Variants in NRG1 observed in about 807,000 individuals in gnomAD.
NRG1 encodes the protein pro-neuregulin-1, membrane-bound isoform.
NRG1 carries 18 observed loss-of-function variants against 63.8 expected under a neutral mutation model. The observed-to-expected ratio is 0.28, with a 90% CI of 0.19 to 0.42. The LOEUF (loss-of-function observed/expected upper bound fraction) is 0.42. Ranked by LOEUF, NRG1 falls within the 10% of genes least tolerant of loss-of-function variation. NRG1 has a pLI of 1.00. For missense variants in NRG1, 762 were observed against 814.7 expected (o/e 0.94, Z 0.79); for synonymous variants, 302 against 301.3 (o/e 1.00, Z -0.02).
intron 1 of NRG1, among the ~76,000 whole-genome samples, chr8:31,677,467 A>T (rs1024347746): frequency 6.6e-6 from 1 of 152,036 alleles, no homozygotes; most frequent in Admixed American, 6.6e-5. Flanking sequence ...CATTTTTCTA[A>T]CTTAATTGTC....
chr8:31,688,563 CT>C (rs1563294133), intron 1 of NRG1, among the ~76,000 whole-genome samples: 2 of 152,194 alleles, frequency 1.3e-5, no homozygotes, highest in African/African-American at 4.8e-5. Flanking sequence ...TCTGTGTGTA[CT>C]GATGAGAAAA....
intron 1 of NRG1, among the ~76,000 whole-genome samples, chr8:31,841,425 G>A (rs113493118): frequency 2.6e-5 from 4 of 152,238 alleles, no homozygotes; most frequent in African/African-American, 9.6e-5. Context: ...TGTAGACACT[G>A]AGGGGCCGTG....
At chr8:31,914,262 A>G (rs1833188864) in intron 1 of NRG1, among the ~76,000 whole-genome samples, 1 of 151,254 alleles carries the variant, frequency 6.6e-6, no homozygotes, top group South Asian at 2.1e-4. Context: ...AACGCAAAGC[A>G]TCAGTAAACA....
At chr8:31,733,958 A>G (rs904932322) in intron 1 of NRG1, among the ~76,000 whole-genome samples, 1 of 152,170 alleles carries the variant, frequency 6.6e-6, no homozygotes, top group Non-Finnish European at 1.5e-5. Flanking sequence ...GTGATCTGCA[A>G]GATCTTACAC....
chr8:32,595,646 G>C (rs1843222789), intron 1 of NRG1, among the ~76,000 whole-genome samples, 182 bp from the exon 2 acceptor site: 1 of 151,934 alleles, frequency 6.6e-6, no homozygotes. Context: ...TATTTTATTT[G>C]GGCATTTTAT....
At chr8:31,946,275 C>T (rs1802521597) in intron 1 of NRG1, among the ~76,000 whole-genome samples, 1 of 152,118 alleles carries the variant, frequency 6.6e-6, no homozygotes, top group African/African-American at 2.4e-5. Context: ...TCTGATTTCT[C>T]CTCAATTTAT....
At chr8:31,923,673 C>G (rs11990634) in intron 1 of NRG1, among the ~76,000 whole-genome samples, 3,894 of 151,898 alleles carry the variant, frequency 0.026, 171 homozygotes, top group African/African-American at 0.089. Context: ...CTCATGTTAA[C>G]TGTAAGTTAC....
chr8:32,376,118 AC>A (rs1182511704), intron 1 of NRG1, among the ~76,000 whole-genome samples: 2 of 152,248 alleles, frequency 1.3e-5, no homozygotes, highest in Non-Finnish European at 2.9e-5. Flanking sequence ...ACTAGGTATA[AC>A]AATGAAGCTG....
intron 1 of NRG1, among the ~76,000 whole-genome samples, chr8:32,533,806 A>G (rs1588146259): frequency 6.6e-6 from 1 of 152,254 alleles, no homozygotes; most frequent in Admixed American, 6.5e-5. Flanking sequence ...ATGTTTATGT[A>G]TAAGTTTAAA....
At chr8:32,538,511 A>G (rs566579061) in intron 1 of NRG1, among the ~76,000 whole-genome samples, 1 of 152,350 alleles carries the variant, frequency 6.6e-6, no homozygotes, top group African/African-American at 2.4e-5. Flanking sequence ...TAGGGACATC[A>G]AAATGTAATG....
At chr8:32,404,412 T>C (rs541117136) in intron 1 of NRG1, among the ~76,000 whole-genome samples, 8 of 152,220 alleles carry the variant, frequency 5.3e-5, no homozygotes, top group Non-Finnish European at 1.2e-4. Flanking sequence ...ACTTTATTCA[T>C]CATCGTGTCT....
intron 1 of NRG1, among the ~76,000 whole-genome samples, chr8:31,810,697 C>G (rs1822800988): frequency 6.6e-6 from 1 of 152,150 alleles, no homozygotes; most frequent in South Asian, 2.1e-4. Context: ...TTTCCCTGCC[C>G]TTTTTCTTAA....
intron 1 of NRG1, among the ~76,000 whole-genome samples, chr8:31,947,256 C>A (rs1022731988): frequency 1.3e-5 from 2 of 148,644 alleles, no homozygotes; most frequent in Admixed American, 1.3e-4. Context: ...GCTGAGATTG[C>A]GCCACTGCAG....
intron 2 of NRG1, among the ~76,000 whole-genome samples, chr8:32,602,729 T>C (rs557156901): frequency 1.3e-5 from 2 of 152,300 alleles, no homozygotes; most frequent in African/African-American, 4.8e-5. Context: ...TGGTTATACA[T>C]GAAAATTCTT....
At chr8:32,061,599 G>A (rs1167731071) in intron 1 of NRG1, 1 of 151,992 alleles carries the variant, frequency 6.6e-6, no homozygotes, top group Non-Finnish European at 1.5e-5. Context: ...TTTAAAGCAA[G>A]CATTGTAGAT....
chr8:32,398,847 T>C (rs1383626219), intron 1 of NRG1, among the ~76,000 whole-genome samples: 2 of 152,228 alleles, frequency 1.3e-5, no homozygotes, highest in East Asian at 1.9e-4. Context: ...CAAAGTTTTA[T>C]AGGTTCTAAG....
intron 1 of NRG1, among the ~76,000 whole-genome samples, chr8:32,399,230 TAA>T (rs2129484503): frequency 6.6e-6 from 1 of 152,316 alleles, no homozygotes; most frequent in East Asian, 1.9e-4. Context: ...TTAGGAAATA[TAA>T]AAGAGTCTCA....
intron 1 of NRG1, among the ~76,000 whole-genome samples, chr8:32,552,000 T>A (rs11781019): frequency 0.4 from 58,679 of 146,682 alleles, 12,543 homozygotes; most frequent in Admixed American, 0.5. Context: ...AACCTCTGCC[T>A]CCTGGGTTCA....
At chr8:32,669,195 G>A (rs1338000408) in intron 5 of NRG1, among the ~76,000 whole-genome samples, 6 of 152,286 alleles carry the variant, frequency 3.9e-5, no homozygotes, top group African/African-American at 1.4e-4. Context: ...TGATAAGGGA[G>A]CTGACATGAA....
Sources: gnomAD v4.1 joint callset for allele counts (sites outside exome capture counted in the v4.1 genomes callset) on GRCh38, gnomAD v4.1.1 for gene constraint, MANE v1.5 for transcripts, NCBI Gene and HGNC (gene_info 2026-07-23, HGNC 2026-07-21) for gene names.